SOX5: variants seen among roughly 807,000 people sequenced by gnomAD.
SOX5 encodes transcription factor SOX-5.
Under a neutral mutation model 92.0 loss-of-function variants are expected in SOX5, and 9 were observed. The ratio of observed to expected loss-of-function variants is 0.10; its 90% CI spans 0.06 to 0.17. SOX5 has a LOEUF of 0.17. Ranked by LOEUF, SOX5 falls within the 10% of genes least tolerant of loss-of-function variation. The probability of loss-of-function intolerance (pLI) is 1.00; values close to 1 mark genes in which losing one functional copy is unlikely to be tolerated. For missense variants in SOX5, 642 were observed against 944.5 expected, an observed-to-expected ratio of 0.68 and a Z score of 4.20; for synonymous variants, 344 against 336.3, an observed-to-expected ratio of 1.02 and a Z score of -0.25.
intron 1 of SOX5, among the ~76,000 whole-genome samples, chr12:23,908,164 AATT>A (rs2097313217): frequency 1.3e-5 from 2 of 152,306 alleles, no homozygotes; most frequent in South Asian, 4.1e-4. Flanking sequence ...TGACAAAAAT[AATT>A]AAGTAACCAG....
At chr12:23,593,804 G>A (rs902448606) in intron 9 of SOX5, among the ~76,000 whole-genome samples, 2 of 151,950 alleles carry the variant, frequency 1.3e-5, no homozygotes, top group East Asian at 3.9e-4. Context: ...GACAGGAGGT[G>A]TGACCTTTAA....
chr12:24,235,389 AG>A (rs1964261022), intron 3 of SOX5, among the ~76,000 whole-genome samples: 2 of 152,344 alleles, frequency 1.3e-5, no homozygotes, highest in African/African-American at 2.4e-5. Flanking sequence ...TCCAATTACT[AG>A]AGGTCACTGG....
Position 23,727,251 on chromosome 12 carries a change from T to C in SOX5, c.810+7433A>G, listed in dbSNP as rs554367555. Among the ~76,000 whole-genome samples, 6 of 152,190 alleles carry C rather than the reference T, an allele frequency of 3.9e-5. No individual in the cohort carries two copies. The East Asian group carries it at 1.2e-3, about 29-fold the overall frequency. On this transcript the variant is annotated intron_variant, in intron 6 of 14. Coordinates refer to ENST00000451604, the MANE Select transcript of SOX5 (RefSeq NM_006940.6). ...GCAACACAGACTTTGTTATTTCAAA[T>C]AGCGTCTCAATAAAAATATTAAAAA... is the stretch of plus-strand genomic sequence containing the variant.
At chr12:23,802,140 C>A (rs1045306278) in intron 3 of SOX5, among the ~76,000 whole-genome samples, 3 of 152,004 alleles carry the variant, frequency 2.0e-5, no homozygotes, top group Non-Finnish European at 4.4e-5. Context: ...GTGGTGCGAT[C>A]TCGGCTCACT....
intron 4 of SOX5, among the ~76,000 whole-genome samples, chr12:24,116,875 T>C (rs976728255): frequency 2.6e-5 from 4 of 151,810 alleles, no homozygotes; most frequent in African/African-American, 9.7e-5. Context: ...TATAATGCGA[T>C]ACATATGTGT....
At chr12:23,542,441 T>C (rs1481157718) in intron 13 of SOX5, among the ~76,000 whole-genome samples, 1 of 141,428 alleles carries the variant, frequency 7.1e-6, no homozygotes, top group Non-Finnish European at 1.5e-5. Context: ...TGGAATCTTC[T>C]TTTTTTCTTT....
In SOX5 at chr12:24,093,530, A is replaced by AAAAAAC. The variant is rs1040324566; in HGVS notation, c.-2+119807_-2+119812dup. ...AGGGCAAGACTCCGTCTCAAAAAAAAAAAAACAAAAACAAAAACAAAAATA... is the reference window on the plus strand; with the variant it reads ...AGGGCAAGACTCCGTCTCAAAAAAAAAAAAACAAAAACAAAAACAAAAACAAAAATA... On this transcript the variant is annotated intron_variant, in intron 4 of 4. Transcript: ENST00000446891. Among the ~76,000 whole-genome samples the AAAAAAC allele has an allele frequency of 7.3e-5, 11 of 151,666 alleles. No individual in the cohort carries two copies. In the South Asian group the frequency reaches 2.3e-3, roughly 32 times the overall value.
chr12:24,345,641 TA>T (rs1283665011), intron 2 of SOX5, among the ~76,000 whole-genome samples: 1 of 152,226 alleles, frequency 6.6e-6, no homozygotes, highest in Non-Finnish European at 1.5e-5. Flanking sequence ...CGGAAAAGTA[TA>T]AAATTAATAT....
chr12:24,095,118 CACACACACACAG>C (rs1432890619), intron 4 of SOX5, among the ~76,000 whole-genome samples: 3 of 82,646 alleles, frequency 3.6e-5, no homozygotes, highest in African/African-American at 7.2e-5. Context: ...CACACACACA[CACACACACACAG>C]AGAGAGAGAG....
At chr12:24,376,086 T>TA (rs1174836449) in intron 1 of SOX5, among the ~76,000 whole-genome samples, 2 of 152,220 alleles carry the variant, frequency 1.3e-5, no homozygotes, top group Non-Finnish European at 2.9e-5. Context: ...CATCCTCTTC[T>TA]GAAGTCTGCC....
intron 1 of SOX5, among the ~76,000 whole-genome samples, chr12:24,487,510 C>T (rs1449768376): frequency 6.6e-6 from 1 of 152,104 alleles, no homozygotes; most frequent in Non-Finnish European, 1.5e-5. Context: ...CATTGACAGG[C>T]ATGAGGAGGC....
intron 4 of SOX5, among the ~76,000 whole-genome samples, chr12:24,063,712 C>T (rs147183679): frequency 6.6e-6 from 1 of 152,216 alleles, no homozygotes; most frequent in African/African-American, 2.4e-5. Context: ...TGAAGAAATA[C>T]TCTAAATTTT....
intron 10 of SOX5, among the ~76,000 whole-genome samples, chr12:23,574,177 C>A (rs1948781302): frequency 6.6e-6 from 1 of 151,948 alleles, no homozygotes; most frequent in African/African-American, 2.4e-5. Context: ...ATTCTTCACT[C>A]CACTTCTTTT....
intron 1 of SOX5, among the ~76,000 whole-genome samples, chr12:24,399,958 T>A (rs1961117032): frequency 1.3e-5 from 2 of 152,248 alleles, no homozygotes; most frequent in African/African-American, 4.8e-5. Flanking sequence ...CTCTATTATC[T>A]ACAATAAGGT....
intron 3 of SOX5, among the ~76,000 whole-genome samples, chr12:23,813,458 G>A (rs772983039): frequency 2.0e-5 from 3 of 152,040 alleles, no homozygotes; most frequent in African/African-American, 7.2e-5. Flanking sequence ...TCATTCACCT[G>A]CATACCAATC....
intron 4 of SOX5, among the ~76,000 whole-genome samples, chr12:24,168,585 G>GA (rs1953696947): frequency 2.0e-5 from 3 of 151,942 alleles, no homozygotes; most frequent in South Asian, 2.1e-4. Flanking sequence ...GAATGGCTTG[G>GA]AAAAAATCTC....
At chr12:24,493,513 G>T (rs1168167845) in intron 1 of SOX5, among the ~76,000 whole-genome samples, 1 of 152,182 alleles carries the variant, frequency 6.6e-6, no homozygotes, top group Admixed American at 6.5e-5. Context: ...TGGATATCAG[G>T]TATGTAGGAG....
At chr12:23,643,054 T>C (rs1305613128) in intron 7 of SOX5, among the ~76,000 whole-genome samples, 6 of 121,300 alleles carry the variant, frequency 4.9e-5, no homozygotes, top group African/African-American at 1.3e-4. Context: ...GCCACTGCAC[T>C]CCAGCCTGGG....
chr12:24,551,844 T>C (rs565505629), intron 1 of SOX5, among the ~76,000 whole-genome samples: 1 of 152,370 alleles, frequency 6.6e-6, no homozygotes, highest in African/African-American at 2.4e-5. Context: ...GTAATCATAA[T>C]CAAACTCTTC....
Sources: gnomAD v4.1 joint callset for allele counts (sites outside exome capture counted in the v4.1 genomes callset) on GRCh38, gnomAD v4.1.1 for gene constraint, MANE v1.5 for transcripts, NCBI Gene and HGNC (gene_info 2026-07-23, HGNC 2026-07-21) for gene names.